CNTN1: variants seen among roughly 807,000 people sequenced by gnomAD.
CNTN1 encodes contactin-1.
CNTN1 carries 38 observed loss-of-function variants against 126.4 expected under a neutral mutation model. The ratio of observed to expected loss-of-function variants is 0.30; its 90% CI spans 0.23 to 0.39. The LOEUF (loss-of-function observed/expected upper bound fraction) is 0.39. Ranked by LOEUF, CNTN1 falls within the 10% of genes least tolerant of loss-of-function variation. CNTN1 has a pLI of 1.00. For synonymous variants in CNTN1, 413 were observed against 422.6 expected, an observed-to-expected ratio of 0.98 and a Z score of 0.28; for missense variants, 1,009 against 1,248.4, an observed-to-expected ratio of 0.81 and a Z score of 2.89.
At chr12:40,732,017 A>G (rs1942512199) in intron 1 of CNTN1, among the ~76,000 whole-genome samples, 1 of 152,052 alleles carries the variant, frequency 6.6e-6, no homozygotes, top group Non-Finnish European at 1.5e-5. Context: ...TTGGTGCAGA[A>G]GGAAATCTGA....
At chr12:40,857,734 T>A (rs944911071) in intron 1 of CNTN1, among the ~76,000 whole-genome samples, 2 of 152,124 alleles carry the variant, frequency 1.3e-5, no homozygotes, top group Non-Finnish European at 2.9e-5. Flanking sequence ...TCAGTCATTG[T>A]CACCTTCCAG....
chr12:40,847,569 T>C (rs1942558102), intron 1 of CNTN1, among the ~76,000 whole-genome samples: 1 of 152,250 alleles, frequency 6.6e-6, no homozygotes, highest in South Asian at 2.1e-4. Context: ...CTTTCAAATG[T>C]TGTGTTCACT....
At chr12:40,863,932 C>CTCCCTCCCTCCT (rs1409311881) in intron 1 of CNTN1, among the ~76,000 whole-genome samples, 2 of 147,016 alleles carry the variant, frequency 1.4e-5, no homozygotes, top group African/African-American at 5.1e-5. Flanking sequence ...TCCTTCCTCC[C>CTCCCTCCCTCCT]TCCCTCCCTC....
chr12:40,977,496 T>G (rs868740167), intron 15 of CNTN1, among the ~76,000 whole-genome samples: 1 of 152,210 alleles, frequency 6.6e-6, no homozygotes, highest in Middle Eastern at 3.4e-3. Context: ...TTCAGATGGC[T>G]GGGGGGCTTA....
In CNTN1 at chr12:41,063,109, C is replaced by G. The variant is rs149289442; in HGVS notation, c.2981-6850C>G. ...ATAAGATAAAAAATGCTGAAAAATT[C>G]GAACGCTGCACCTACCTTGACTGCG... On this transcript the variant is annotated intron_variant, in intron 23 of 23. Transcript: ENST00000551295. 2.8e-3 allele frequency among the ~76,000 whole-genome samples: 431 copies of G among 152,338 alleles called. 3 individuals are homozygous for G. The highest frequency in any genetic ancestry group is 9.5e-3 in the African/African-American group (395 of 41,584).
chr12:40,859,498 T>C (rs1393650020), intron 1 of CNTN1, among the ~76,000 whole-genome samples: 1 of 152,026 alleles, frequency 6.6e-6, no homozygotes, highest in African/African-American at 2.4e-5. Context: ...CAAAAAGTTA[T>C]TAAAATAAAT....
At chr12:40,734,295 C>T (rs1942566125) in intron 1 of CNTN1, among the ~76,000 whole-genome samples, 1 of 152,068 alleles carries the variant, frequency 6.6e-6, no homozygotes, top group Admixed American at 6.6e-5. Context: ...GAAACAGAAA[C>T]ATTCAAAATG....
At chr12:40,894,394 T>C (rs1944337415) in intron 1 of CNTN1, among the ~76,000 whole-genome samples, 1 of 152,176 alleles carries the variant, frequency 6.6e-6, no homozygotes. Flanking sequence ...TGAACTTTAG[T>C]TAATAATAAT....
intron 14 of CNTN1, among the ~76,000 whole-genome samples, chr12:40,950,844 T>A (rs911159104): frequency 1.3e-5 from 2 of 152,144 alleles, no homozygotes; most frequent in Non-Finnish European, 2.9e-5. Context: ...TTAGCTGATG[T>A]CACTCTCTAG....
chr12:41,036,513 T>C (rs1290464691), intron 23 of CNTN1, among the ~76,000 whole-genome samples: 1 of 152,166 alleles, frequency 6.6e-6, no homozygotes, highest in Non-Finnish European at 1.5e-5. Context: ...AGTTTCATGG[T>C]ATATAAATTG....
At chr12:40,823,638 T>C (rs73118714) in intron 1 of CNTN1, among the ~76,000 whole-genome samples, 3,418 of 152,296 alleles carry the variant, frequency 0.022, 126 homozygotes, top group African/African-American at 0.078. Context: ...CTTTTGTATA[T>C]GTTTACTTAT....
At chr12:40,910,406 T>C (rs879533634) in intron 3 of CNTN1, among the ~76,000 whole-genome samples, 1 of 152,218 alleles carries the variant, frequency 6.6e-6, no homozygotes, top group Admixed American at 6.5e-5. Flanking sequence ...AGCAATATTT[T>C]AAAATTTGTA....
chr12:41,042,996 A>T (rs1949452405), intron 23 of CNTN1, among the ~76,000 whole-genome samples: 1 of 152,218 alleles, frequency 6.6e-6, no homozygotes, highest in Non-Finnish European at 1.5e-5. Flanking sequence ...TACAAAAATT[A>T]ATTCAAGATG....
At chr12:41,043,630 C>G (rs1949472950) in intron 23 of CNTN1, among the ~76,000 whole-genome samples, 1 of 151,982 alleles carries the variant, frequency 6.6e-6, no homozygotes, top group African/African-American at 2.4e-5. Flanking sequence ...ACCATTTGAC[C>G]CAGCCATCCC....
intron 9 of CNTN1, among the ~76,000 whole-genome samples, chr12:40,935,956 C>A (rs1946065991): frequency 6.6e-6 from 1 of 151,888 alleles, no homozygotes; most frequent in Non-Finnish European, 1.5e-5. Flanking sequence ...CACAAGTTCC[C>A]AGTTTCAAAG....
intron 14 of CNTN1, among the ~76,000 whole-genome samples, chr12:40,957,424 T>A (rs1946927315): frequency 7.2e-6 from 1 of 139,180 alleles, no homozygotes; most frequent in Admixed American, 7.5e-5. Context: ...TGGATGATAC[T>A]TTTCAAGGTT....
chr12:40,832,359 G>A (rs986101404), intron 1 of CNTN1, among the ~76,000 whole-genome samples: 1 of 152,170 alleles, frequency 6.6e-6, no homozygotes, highest in African/African-American at 2.4e-5. Context: ...GGTAGCCCTT[G>A]TAATGACATA....
chr12:40,928,880 G>A (rs927885278), intron 6 of CNTN1, among the ~76,000 whole-genome samples: 12 of 151,996 alleles, frequency 7.9e-5, no homozygotes, highest in African/African-American at 2.9e-4. Context: ...AAGCCTGAGT[G>A]CTGTGATTTC....
intron 7 of CNTN1, 60 bp from the exon 8 acceptor site, chr12:40,933,401 T>A: frequency 8.6e-7 from 1 of 1,156,902 alleles, no homozygotes; most frequent in South Asian, 1.2e-5. Flanking sequence ...TTACCATGTT[T>A]AAGAATAACT....
Sources: allele counts gnomAD v4.1 joint callset (sites outside exome capture counted in the v4.1 genomes callset), GRCh38; gene constraint gnomAD v4.1.1; transcripts MANE v1.5; gene names NCBI Gene and HGNC (gene_info 2026-07-23, HGNC 2026-07-21).